BAZ1A: variants seen among roughly 807,000 people sequenced by gnomAD.
BAZ1A encodes bromodomain adjacent to zinc finger domain protein 1A.
Under a neutral mutation model 185.2 loss-of-function variants are expected in BAZ1A, and 50 were observed. The observed-to-expected ratio is 0.27, with a 90% confidence interval of 0.22 to 0.34. The LOEUF (loss-of-function observed/expected upper bound fraction) is 0.34, where lower values mean the gene tolerates loss of function less well. Among genes scored for constraint, BAZ1A ranks in the 10% least tolerant of loss-of-function variants. The pLI is 1.00. For synonymous variants in BAZ1A, 571 were observed against 615.6 expected (o/e 0.93, Z 1.07); for missense variants, 1,356 against 1,839.9 (o/e 0.74, Z 4.81).
chr14:34,803,674 T>C (rs577787294), intron 6 of BAZ1A, among the ~76,000 whole-genome samples: 2 of 152,298 alleles, frequency 1.3e-5, no homozygotes, highest in South Asian at 4.1e-4. Context: ...AATCAATCCA[T>C]ATATTTAACA....
intron 4 of BAZ1A, among the ~76,000 whole-genome samples, chr14:34,824,408 C>CCAA (rs2042134210): frequency 1.5e-5 from 1 of 65,772 alleles, no homozygotes; most frequent in Admixed American, 2.6e-4. Flanking sequence ...AGCAGCAACT[C>CCAA]AAAAAAAAAA....
At chr14:34,864,432 C>A (rs184416219) in intron 2 of BAZ1A, among the ~76,000 whole-genome samples, 7 of 151,892 alleles carry the variant, frequency 4.6e-5, no homozygotes, top group African/African-American at 1.7e-4. Flanking sequence ...CATGAGCCAC[C>A]GCATTCAGTC....
At chr14:34,808,240 T>C (rs984166203) in intron 5 of BAZ1A, among the ~76,000 whole-genome samples, 27 of 152,156 alleles carry the variant, frequency 1.8e-4, no homozygotes, top group African/African-American at 6.3e-4. Context: ...ACACCTGTAA[T>C]CCCAGCACTT....
intron 3 of BAZ1A, among the ~76,000 whole-genome samples, chr14:34,859,936 A>G (rs1353034777): frequency 6.6e-6 from 1 of 152,144 alleles, no homozygotes. Flanking sequence ...CCCCAACCCT[A>G]TGGTACTTAT....
chr14:34,847,308 A>T (rs1414644785), intron 3 of BAZ1A, among the ~76,000 whole-genome samples: 1 of 152,080 alleles, frequency 6.6e-6, no homozygotes, highest in Non-Finnish European at 1.5e-5. Context: ...GATGTTGCTT[A>T]AGACTTTTTT....
At chr14:34,843,183 G>A (rs899869612) in intron 3 of BAZ1A, among the ~76,000 whole-genome samples, 1 of 151,888 alleles carries the variant, frequency 6.6e-6, no homozygotes, top group African/African-American at 2.4e-5. Flanking sequence ...CAAATATAAG[G>A]AGGATCTAAA....
At chr14:34,813,871 C>T (rs1032010616) in intron 4 of BAZ1A, among the ~76,000 whole-genome samples, 7 of 151,960 alleles carry the variant, frequency 4.6e-5, no homozygotes, top group Middle Eastern at 3.4e-3. Context: ...GGTGAAACCT[C>T]GTCTCTACTG....
chr14:34,874,874 C>T lies in BAZ1A; in HGVS notation c.-58-212G>A. 6.3e-6 allele frequency: 2 copies of T among 316,486 alleles called. No individual in the cohort carries two copies. The highest frequency in any genetic ancestry group is 5.1e-5 in the South Asian group (1 of 19,462). The allele number at this position is 316,486 out of a possible 1,614,324, so 19.6% of individuals were successfully genotyped here. ...GCCCCCCGAGCGCGCCCTACCTCCTCTCGTCCTGCCGCCGCCTCACAATGG... is the reference window on the plus strand; with the variant it reads ...GCCCCCCGAGCGCGCCCTACCTCCTTTCGTCCTGCCGCCGCCTCACAATGG... On this transcript the variant is annotated intron_variant, in intron 1 of 26. Transcript: ENST00000360310. The surrounding 1 kb of genome is among the most constrained non-coding windows in gnomAD (Gnocchi z 4.7).
intron 4 of BAZ1A, among the ~76,000 whole-genome samples, chr14:34,823,825 GTATT>G (rs2042122432): frequency 6.6e-6 from 1 of 151,800 alleles, no homozygotes; most frequent in Non-Finnish European, 1.5e-5. Context: ...TAGAGACTTT[GTATT>G]TATTATTATT....
At chr14:34,851,652 C>CA (rs937388158) in intron 3 of BAZ1A, among the ~76,000 whole-genome samples, 51 of 145,486 alleles carry the variant, frequency 3.5e-4, no homozygotes, top group South Asian at 6.4e-4. Flanking sequence ...TGTGTTTGCT[C>CA]AAAAAAAAAA....
chr14:34,786,265 G>C, intron 12 of BAZ1A, 44 bp from the exon 13 acceptor site: 1 of 1,515,490 alleles, frequency 6.6e-7, no homozygotes, highest in East Asian at 2.3e-5. Flanking sequence ...ATCAAAGCTT[G>C]AATATTTGGG....
intron 2 of BAZ1A, among the ~76,000 whole-genome samples, chr14:34,868,406 C>T (rs895709463): frequency 9.2e-5 from 14 of 152,108 alleles, no homozygotes; most frequent in East Asian, 1.9e-4. Flanking sequence ...AACACTCTGG[C>T]GAACAAACTG....
At chr14:34,821,625 G>A (rs897850302) in intron 4 of BAZ1A, among the ~76,000 whole-genome samples, 2 of 152,218 alleles carry the variant, frequency 1.3e-5, no homozygotes, top group African/African-American at 4.8e-5. Flanking sequence ...CCACAAACAA[G>A]TACGTATTTT....
chr14:34,859,468 A>G (rs1018208774), intron 3 of BAZ1A, among the ~76,000 whole-genome samples: 1 of 152,074 alleles, frequency 6.6e-6, no homozygotes, highest in Middle Eastern at 3.4e-3. Flanking sequence ...CAACAGCGTA[A>G]CTTAATTTTA....
At chr14:34,819,346 T>C (rs1473332991) in intron 4 of BAZ1A, among the ~76,000 whole-genome samples, 5 of 152,108 alleles carry the variant, frequency 3.3e-5, no homozygotes, top group Non-Finnish European at 7.4e-5. Context: ...AAATCCTCTG[T>C]GCTCTGAGTA....
intron 12 of BAZ1A, among the ~76,000 whole-genome samples, chr14:34,790,873 C>T (rs1191370183): frequency 1.3e-5 from 2 of 151,964 alleles, no homozygotes; most frequent in African/African-American, 4.8e-5. Context: ...GCTTGTAATC[C>T]CAGCACTTTG....
intron 16 of BAZ1A, 26 bp downstream of exon 16, chr14:34,783,093 G>A (rs758912824): frequency 6.1e-6 from 9 of 1,483,310 alleles, no homozygotes; most frequent in Middle Eastern, 1.7e-4. Flanking sequence ...TGGTAAAGCA[G>A]ATGAACAGTG....
intron 4 of BAZ1A, among the ~76,000 whole-genome samples, chr14:34,825,510 G>C (rs1184306196): frequency 1.4e-5 from 2 of 147,302 alleles, no homozygotes; most frequent in Admixed American, 1.4e-4. Flanking sequence ...GACTGAATGA[G>C]GCTCTTCAAC....
chr14:34,820,133 T>G (rs921968679), intron 4 of BAZ1A, among the ~76,000 whole-genome samples: 63 of 130,462 alleles, frequency 4.8e-4, no homozygotes, highest in South Asian at 7.8e-4. Context: ...TTTTTTTTTT[T>G]TTTTTTTTTT....
Sources: gnomAD v4.1 joint callset for allele counts (sites outside exome capture counted in the v4.1 genomes callset) on GRCh38, gnomAD v4.1.1 for gene constraint, Gnocchi (gnomAD v3.1) non-coding constraint, MANE v1.5 for transcripts, NCBI Gene and HGNC (gene_info 2026-07-23, HGNC 2026-07-21) for gene names.